The following GALNT13 variants were observed in gnomAD, a reference collection of about 807,000 sequenced individuals.
GALNT13 encodes polypeptide N-acetylgalactosaminyltransferase 13.
GALNT13 carries 28 observed loss-of-function variants against 64.2 expected under a neutral mutation model. The ratio of observed to expected loss-of-function variants is 0.44; its 90% confidence interval spans 0.32 to 0.60. The LOEUF is 0.60. Ranked by LOEUF, GALNT13 falls within the 20% of genes least tolerant of loss-of-function variation. The pLI is 0.05. For synonymous variants in GALNT13, 214 were observed against 224.6 expected (o/e 0.95, Z 0.42); for missense variants, 577 against 669.8 (o/e 0.86, Z 1.53).
chr2:153,841,147 T>G, the GALNT13 span, among the ~76,000 whole-genome samples: 1 of 152,164 alleles, frequency 6.6e-6, no homozygotes, highest in Non-Finnish European at 1.5e-5. Context: ...CCATTACTCT[T>G]AATTTTTAGA....
At chr2:153,800,406 G>A in the GALNT13 span, among the ~76,000 whole-genome samples, 1 of 152,154 alleles carries the variant, frequency 6.6e-6, no homozygotes, top group African/African-American at 2.4e-5. Context: ...GATCAGGGTG[G>A]TGGCTATGAA....
the GALNT13 span, among the ~76,000 whole-genome samples, chr2:153,408,271 AG>A: frequency 1.3e-5 from 2 of 152,094 alleles, no homozygotes; most frequent in Non-Finnish European, 1.5e-5. Flanking sequence ...GGAAGAGTGG[AG>A]GGGTTGCTTT....
chr2:154,446,705 G>A lies in GALNT13; in HGVS notation c.1531-3706G>A, dbSNP rs1455111083. ...GGCTACTAAGAAACTATACAAGAAT[G>A]GAAATTTTTAGAAATATTTTTGGGA... On this transcript the variant is annotated intron_variant, in intron 12 of 12. Transcript: ENST00000392825. 4.5e-6 allele frequency: 7 copies of A among 1,546,236 alleles called. No individual in the cohort carries two copies. In the Admixed American group the frequency reaches 1.2e-4, roughly 26 times the overall value.
chr2:153,812,603 A>G, the GALNT13 span, among the ~76,000 whole-genome samples: 1 of 152,182 alleles, frequency 6.6e-6, no homozygotes, highest in Admixed American at 6.5e-5. Flanking sequence ...CCACAACACA[A>G]TAGAGGGAAG....
chr2:154,214,286 C>A (rs1038541771), intron 4 of GALNT13, among the ~76,000 whole-genome samples: 8 of 152,096 alleles, frequency 5.3e-5, no homozygotes, highest in African/African-American at 1.7e-4. Context: ...GTATTGAATC[C>A]AAATGGATTT....
chr2:153,195,892 T>C, the GALNT13 span, among the ~76,000 whole-genome samples: 1 of 152,082 alleles, frequency 6.6e-6, no homozygotes, highest in African/African-American at 2.4e-5. Context: ...AGAACTAGGG[T>C]GTCCCATGAG....
chr2:154,010,321 A>G (rs1367827361), intron 3 of GALNT13, among the ~76,000 whole-genome samples: 1 of 152,150 alleles, frequency 6.6e-6, no homozygotes, highest in Non-Finnish European at 1.5e-5. Context: ...ATTTTCTTGA[A>G]AACCGTTTCC....
intron 9 of GALNT13, among the ~76,000 whole-genome samples, chr2:154,387,621 T>C (rs1698577813): frequency 2.0e-5 from 3 of 152,194 alleles, no homozygotes; most frequent in African/African-American, 7.2e-5. Context: ...TTCTATTCTC[T>C]ACTTCTGTGA....
chr2:153,416,929 G>A, the GALNT13 span, among the ~76,000 whole-genome samples: 17 of 152,280 alleles, frequency 1.1e-4, no homozygotes, highest in Admixed American at 2.6e-4. Flanking sequence ...CTTAGAAAGG[G>A]ACCATGGAAG....
At chr2:153,990,488 A>G (rs992328294) in intron 3 of GALNT13, among the ~76,000 whole-genome samples, 13 of 152,174 alleles carry the variant, frequency 8.5e-5, no homozygotes, top group Non-Finnish European at 5.9e-5. Context: ...TTTTTAGAAT[A>G]AAGTCTTTAC....
the GALNT13 span, among the ~76,000 whole-genome samples, chr2:153,850,127 C>T: frequency 6.7e-6 from 1 of 150,300 alleles, no homozygotes; most frequent in Admixed American, 6.6e-5. Flanking sequence ...TGCAGTGAGC[C>T]GAGACCGCGC....
chr2:153,707,126 G>A, the GALNT13 span, among the ~76,000 whole-genome samples: 1 of 152,106 alleles, frequency 6.6e-6, no homozygotes. Context: ...CACCATGATT[G>A]TGAGGCTTCC....
At chr2:154,256,667 C>A (rs1419085415) in intron 7 of GALNT13, among the ~76,000 whole-genome samples, 1 of 152,108 alleles carries the variant, frequency 6.6e-6, no homozygotes, top group African/African-American at 2.4e-5. Context: ...AAATTACCTA[C>A]CCTTATTAAC....
the GALNT13 span, among the ~76,000 whole-genome samples, chr2:153,612,595 T>G: frequency 6.6e-6 from 1 of 151,534 alleles, no homozygotes; most frequent in Non-Finnish European, 1.5e-5. Context: ...ACTGTTGACA[T>G]CTCCAGTACA....
At position 154,450,798 on chromosome 2, in the gene GALNT13, C is replaced by A. The variant is rs994437656; in HGVS notation, c.*247C>A. 1.1e-5 allele frequency: 4 copies of A among 353,004 alleles called. No homozygotes were observed. The highest frequency in any genetic ancestry group is 2.0e-5 in the Non-Finnish European group (4 of 196,164). The allele number at this position is 353,004 out of a possible 1,614,324, so 21.9% of individuals were successfully genotyped here. The stretch of plus-strand genomic sequence containing the variant: ...TTAAACAACAGAACAACTTGTAAAA[C>A]AAATTGTGTTTGCTTTAAGAAAAAT... On this transcript the variant is annotated 3_prime_UTR_variant, in exon 13 of 13. Coordinates refer to ENST00000392825, the MANE Select transcript of GALNT13 (RefSeq NM_052917.4).
At chr2:154,029,446 A>G (rs1372950917) in intron 3 of GALNT13, among the ~76,000 whole-genome samples, 1 of 152,114 alleles carries the variant, frequency 6.6e-6, no homozygotes, top group African/African-American at 2.4e-5. Context: ...TGTATTACCC[A>G]TCCTCAACAC....
chr2:154,178,338 C>T (rs1685767168), intron 4 of GALNT13, among the ~76,000 whole-genome samples: 1 of 144,976 alleles, frequency 6.9e-6, no homozygotes, highest in Admixed American at 7.5e-5. Context: ...TTATCTAAAA[C>T]ATGGGAACTG....
Position 154,242,843 on chromosome 2 carries a change from T to G in GALNT13, c.624T>G (p.Asp208Glu), listed in dbSNP as rs773263895. ...ASKGQVITFL[D>E]AHCECTLGWL... The stretch of plus-strand genomic sequence containing the variant: ...AAGGGCAGGTCATAACTTTTCTTGA[T>G]GCACACTGTGAATGCACGTTAGGAT... The change falls in exon 6 of 13, where the codon GAT becomes GAG. Residue 208 changes from aspartate to glutamate, a missense_variant. Asp to Glu is a conservative substitution (Grantham distance 45). Coordinates refer to ENST00000392825, the MANE Select transcript of GALNT13 (RefSeq NM_052917.4). 1.9e-6 allele frequency: 3 copies of G among 1,614,164 alleles called. No individual in the cohort carries two copies. Among genetic ancestry groups the G allele is most frequent in the Non-Finnish European group, 1.7e-6 (2 of 1,180,020 alleles).
At chr2:154,073,277 T>G (rs560157999) in intron 3 of GALNT13, among the ~76,000 whole-genome samples, 1 of 152,158 alleles carries the variant, frequency 6.6e-6, no homozygotes, top group Non-Finnish European at 1.5e-5. Flanking sequence ...AACATCATTT[T>G]TAACTGAAAG....
Sources: gnomAD v4.1 joint callset for allele counts (sites outside exome capture counted in the v4.1 genomes callset) on GRCh38, gnomAD v4.1.1 for gene constraint, MANE v1.5 for transcripts, NCBI Gene and HGNC (gene_info 2026-07-23, HGNC 2026-07-21) for gene names.